MYT1L: variants seen among roughly 807,000 people sequenced by gnomAD.
MYT1L encodes myelin transcription factor 1 like.
Under a neutral mutation model 126.7 loss-of-function variants are expected in MYT1L, and 12 were observed. The observed-to-expected ratio is 0.09, with a 90% confidence interval of 0.06 to 0.15. The LOEUF (loss-of-function observed/expected upper bound fraction) is 0.15. Among genes scored for constraint, MYT1L ranks in the 10% least tolerant of loss-of-function variants. The probability of loss-of-function intolerance (pLI) is 1.00; values close to 1 mark genes in which losing one functional copy is unlikely to be tolerated. For synonymous variants in MYT1L, 541 were observed against 604.2 expected (o/e 0.90, Z 1.53); for missense variants, 979 against 1,585.2 (o/e 0.62, Z 6.49).
chr2:2,150,278 TA>T (rs377636699), intron 3 of MYT1L, among the ~76,000 whole-genome samples: 2 of 152,114 alleles, frequency 1.3e-5, no homozygotes, highest in African/African-American at 4.8e-5. Context: ...TTCAAGAAGA[TA>T]AAAAAAGCAC....
Position 2,224,075 on chromosome 2 carries a change from GA to G in MYT1L, c.-420-51088del, listed in dbSNP as rs1430334194. Among the ~76,000 whole-genome samples the G allele has an allele frequency of 6.6e-6, 1 of 152,202 alleles. No homozygotes were observed. Among genetic ancestry groups the G allele is most frequent in the African/African-American group, 2.4e-5 (1 of 41,456 alleles). ...AAATGCAAGGCTCATCTAAGCATCT[GA>G]AAGACAAAATAATGAATTGGTGGGG... On this transcript the variant is annotated intron_variant, in intron 2 of 24. Transcript: ENST00000647738. This position sits in a 1 kb window ranked among gnomAD's most constrained non-coding sequence, Gnocchi z 4.0.
intron 3 of MYT1L, among the ~76,000 whole-genome samples, chr2:2,155,786 T>C (rs564362727): frequency 6.6e-6 from 1 of 152,200 alleles, no homozygotes; most frequent in Non-Finnish European, 1.5e-5. Flanking sequence ...ACTTTTTAAA[T>C]GTTCACATCA....
chr2:2,123,432 T>C (rs2081300462), intron 3 of MYT1L, among the ~76,000 whole-genome samples: 1 of 152,150 alleles, frequency 6.6e-6, no homozygotes. Context: ...CATGTTCAAT[T>C]GTCATGCCAA....
rs1253961223 is a variant in MYT1L at position 2,077,162 on chromosome 2, G to GA, written c.-303-23040dup. On this transcript the variant is annotated intron_variant, in intron 3 of 24. Transcript: ENST00000647738. Reference sequence around the variant, plus strand: ...GAGAGTATTTAGTCTCAGAGACAGAGAAAAAAAAGAACAGAAATGAAGATA... The same window carrying GA: ...GAGAGTATTTAGTCTCAGAGACAGAGAAAAAAAAAGAACAGAAATGAAGATA... Among the ~76,000 whole-genome samples, 3 of 151,656 alleles carry GA rather than the reference G, an allele frequency of 2.0e-5. No individual in the cohort carries two copies. The South Asian group carries it at 6.2e-4, about 32-fold the overall frequency.
chr2:2,134,307 T>A (rs1231321502), intron 3 of MYT1L, among the ~76,000 whole-genome samples: 4 of 152,200 alleles, frequency 2.6e-5, no homozygotes, highest in Non-Finnish European at 5.9e-5. Context: ...CTCCAAACTT[T>A]GTTCCTACTA....
At chr2:1,902,836 G>C (rs1223996828) in intron 14 of MYT1L, 1 of 515,758 alleles carries the variant, frequency 1.9e-6, no homozygotes, top group East Asian at 3.5e-5. Context: ...ACGAGCAGCC[G>C]AGTGCGCTGT....
chr2:1,947,315 G>A (rs1024905412), intron 8 of MYT1L, among the ~76,000 whole-genome samples: 2 of 152,186 alleles, frequency 1.3e-5, no homozygotes, highest in Non-Finnish European at 2.9e-5. Context: ...GGCCCCATGA[G>A]GTTTAGAGGA....
intron 5 of MYT1L, among the ~76,000 whole-genome samples, chr2:1,992,004 G>A (rs765033073): frequency 3.9e-5 from 6 of 152,076 alleles, no homozygotes; most frequent in Non-Finnish European, 7.4e-5. Context: ...AACCTCTCCG[G>A]TCAGCACTCC....
At chr2:2,305,794 A>G (rs2095850003) in intron 1 of MYT1L, 1 of 152,128 alleles carries the variant, frequency 6.6e-6, no homozygotes, top group African/African-American at 2.4e-5. Context: ...CCACTTTCAA[A>G]CAACCAGATC....
intron 8 of MYT1L, among the ~76,000 whole-genome samples, chr2:1,951,912 T>A (rs1189421958): frequency 6.6e-6 from 1 of 152,354 alleles, no homozygotes; most frequent in African/African-American, 2.4e-5. Flanking sequence ...ATGTCAGAAA[T>A]AGTTGAAATC....
intron 3 of MYT1L, among the ~76,000 whole-genome samples, chr2:2,152,560 G>A (rs1252426750): frequency 2.0e-5 from 3 of 152,138 alleles, no homozygotes; most frequent in African/African-American, 7.2e-5. Context: ...CATGGTTAAC[G>A]ACAGAGTGAA....
intron 3 of MYT1L, among the ~76,000 whole-genome samples, chr2:2,068,314 C>T (rs1209961173): frequency 1.3e-5 from 2 of 152,180 alleles, no homozygotes; most frequent in Non-Finnish European, 2.9e-5. Context: ...GTTGCAGTGG[C>T]TGAAGCTTTC....
At chr2:1,815,918 A>T (rs1484211351) in intron 21 of MYT1L, among the ~76,000 whole-genome samples, 1 of 152,258 alleles carries the variant, frequency 6.6e-6, no homozygotes, top group African/African-American at 2.4e-5. Context: ...CCGCCCCGAG[A>T]AACTCCGTGG....
chr2:2,083,858 G>A (rs2076090132), intron 3 of MYT1L, among the ~76,000 whole-genome samples: 1 of 150,834 alleles, frequency 6.6e-6, no homozygotes, highest in African/African-American at 2.4e-5. Context: ...GTTCTTAGAG[G>A]GGAGGGAGAC....
At chr2:2,113,749 T>C (rs964181270) in intron 3 of MYT1L, among the ~76,000 whole-genome samples, 7 of 152,202 alleles carry the variant, frequency 4.6e-5, no homozygotes, top group South Asian at 4.1e-4. Flanking sequence ...AAAAAAGTTA[T>C]GAAAACATTA....
chr2:1,976,426 G>T (rs2060192545), intron 8 of MYT1L, among the ~76,000 whole-genome samples: 1 of 152,222 alleles, frequency 6.6e-6, no homozygotes, highest in East Asian at 1.9e-4. Context: ...CGGATCACCG[G>T]AGATCAGGAG....
intron 3 of MYT1L, among the ~76,000 whole-genome samples, chr2:2,073,292 G>A (rs2074832033): frequency 7.0e-6 from 1 of 142,944 alleles, no homozygotes; most frequent in South Asian, 2.3e-4. Context: ...CCCCATCACT[G>A]CCTTAGTCCT....
At position 1,917,799 on chromosome 2, in the gene MYT1L, T is replaced by A. The variant is rs1280351261; in HGVS notation, c.1484-460A>T. Among the ~76,000 whole-genome samples the A allele has an allele frequency of 6.6e-6, 1 of 152,242 alleles. No homozygotes were observed. The highest frequency in any genetic ancestry group is 1.5e-5 in the Non-Finnish European group (1 of 68,044). On this transcript the variant is annotated intron_variant, in intron 10 of 24. Transcript: ENST00000647738. The surrounding 1 kb of genome is among the most constrained non-coding windows in gnomAD (Gnocchi z 5.9). ...ATTTCTTTCTTATTGAGTGCTCTGA[T>A]CGCATACACTAGAAGCTGCAGGATT... is the stretch of plus-strand genomic sequence containing the variant.
intron 9 of MYT1L, among the ~76,000 whole-genome samples, chr2:1,934,216 C>T (rs978853619): frequency 1.3e-5 from 2 of 150,820 alleles, no homozygotes; most frequent in Non-Finnish European, 2.9e-5. Context: ...CCTCGTGATC[C>T]TCCCGCCTTG....
Sources: allele counts gnomAD v4.1 joint callset (sites outside exome capture counted in the v4.1 genomes callset), GRCh38; gene constraint gnomAD v4.1.1; non-coding constraint Gnocchi (gnomAD v3.1); transcripts MANE v1.5; gene names NCBI Gene and HGNC (gene_info 2026-07-23, HGNC 2026-07-21).